Variants in ZNF789 observed in about 807,000 individuals in gnomAD.
ZNF789 encodes the protein zinc finger protein 789.
ZNF789 carries 11 observed loss-of-function variants against 15.6 expected under a neutral mutation model. That is an observed-to-expected ratio of 0.70 (90% CI 0.44 to 1.16). The LOEUF is 1.16. Ranked by LOEUF, ZNF789 falls within the 50% of genes most tolerant of loss-of-function variation. The pLI, the probability that ZNF789 is intolerant of heterozygous loss-of-function variation, is 0.00. For missense variants in ZNF789, 461 were observed against 512.6 expected (o/e 0.90, Z 0.97); for synonymous variants, 159 against 176.0 (o/e 0.90, Z 0.76).
At chr7:99,483,785 G>C (rs1799769255) in intron 3 of ZNF789, 1 of 780,960 alleles carries the variant, frequency 1.3e-6, no homozygotes, top group East Asian at 2.4e-5. Flanking sequence ...GAACGTCTCT[G>C]GCACATTCAT....
chr7:99,476,788 G>C (rs1196920898), intron 2 of ZNF789, among the ~76,000 whole-genome samples: 1 of 152,194 alleles, frequency 6.6e-6, no homozygotes, highest in East Asian at 1.9e-4. Flanking sequence ...TTAAGTTGTT[G>C]CTCTTATTAC....
chr7:99,476,589 G>A, intron 2 of ZNF789, 109 bp downstream of exon 2: 1 of 1,353,264 alleles, frequency 7.4e-7, no homozygotes, highest in Non-Finnish European at 1.0e-6. Flanking sequence ...TTCTTAGACA[G>A]TGCAATGTAG....
In ZNF789 at chr7:99,479,715, C is replaced by T; in HGVS notation, c.79C>T (p.His27Tyr). The change falls in exon 3 of 5, where the codon CAC becomes TAC. Residue 27 changes from histidine (H) to tyrosine (Y), a missense_variant. Physicochemically the swap from His to Tyr is moderately conservative, Grantham distance 83 (BLOSUM62 2). Transcript: ENST00000331410. ...GTACTTCACCAGAGAGGAGTGGGGCCACCTCAACTGGGGTCAGAAGGACCT... is the reference window on the plus strand; with the variant it reads ...GTACTTCACCAGAGAGGAGTGGGGCTACCTCAACTGGGGTCAGAAGGACCT... The part of the protein sequence containing the change: ...AMYFTREEWG[H>Y]LNWGQKDLYR... The T allele has an allele frequency of 6.2e-7, 1 of 1,613,804 alleles. No homozygotes were observed. The highest frequency in any genetic ancestry group is 8.5e-7 in the Non-Finnish European group (1 of 1,179,878).
At chr7:99,479,449 GATTA>G (rs1799502756) in intron 2 of ZNF789, 2 of 438,952 alleles carry the variant, frequency 4.6e-6, no homozygotes, top group Non-Finnish European at 7.8e-6. Context: ...GCCCTTTAGA[GATTA>G]ATTGTGTCGA....
chr7:99,482,353 G>A (rs1799685130), intron 3 of ZNF789: 4 of 693,050 alleles, frequency 5.8e-6, no homozygotes, highest in African/African-American at 1.8e-5. Context: ...GTTTTTCCCT[G>A]GGGAAGGCTG....
chr7:99,477,104 G>A (rs1160912185), intron 2 of ZNF789, among the ~76,000 whole-genome samples: 2 of 151,022 alleles, frequency 1.3e-5, no homozygotes, highest in East Asian at 3.9e-4. Context: ...GTGTAGTGGC[G>A]CGATCTCAGC....
At chr7:99,473,249 A>G (rs1040796405) in intron 1 of ZNF789, among the ~76,000 whole-genome samples, 193 bp downstream of exon 1, 2 of 152,134 alleles carry the variant, frequency 1.3e-5, no homozygotes, top group South Asian at 4.1e-4. Context: ...GAATGAATGG[A>G]TGGTGAACGC....
chr7:99,486,283 C>A (rs1418205105), intron 4 of ZNF789, among the ~76,000 whole-genome samples, 193 bp from the exon 5 acceptor site: 1 of 152,182 alleles, frequency 6.6e-6, no homozygotes, highest in East Asian at 1.9e-4. Context: ...CCACTGCACT[C>A]TAGCCTGGGC....
chr7:99,479,601 T>TA, intron 2 of ZNF789, 60 bp from the exon 3 acceptor site: 1 of 1,528,026 alleles, frequency 6.5e-7, no homozygotes, highest in Non-Finnish European at 8.8e-7. Context: ...AGCTGTGGAA[T>TA]AATCATTGAG....
At chr7:99,478,582 C>T (rs1799455008) in intron 2 of ZNF789, 3 of 368,858 alleles carry the variant, frequency 8.1e-6, no homozygotes, top group African/African-American at 6.3e-5. Flanking sequence ...CATGCAGTGT[C>T]TTGTGAGAGC....
chr7:99,485,889 A>G (rs1799913173), intron 4 of ZNF789, among the ~76,000 whole-genome samples: 1 of 152,180 alleles, frequency 6.6e-6, no homozygotes, highest in African/African-American at 2.4e-5. Flanking sequence ...CTGAGTACCT[A>G]GAGTAAGTTG....
intron 4 of ZNF789, among the ~76,000 whole-genome samples, chr7:99,484,494 C>G (rs1184907233): frequency 6.6e-6 from 1 of 152,178 alleles, no homozygotes; most frequent in East Asian, 1.9e-4. Flanking sequence ...GTGGCGTGTG[C>G]CTGTAATCCC....
chr7:99,473,602 T>C (rs1799140295), intron 1 of ZNF789, among the ~76,000 whole-genome samples: 2 of 152,132 alleles, frequency 1.3e-5, no homozygotes, highest in Admixed American at 6.5e-5. Flanking sequence ...GCGCACACTT[T>C]TCAGGGAAAT....
intron 2 of ZNF789, chr7:99,478,325 G>T: frequency 7.8e-7 from 1 of 1,289,714 alleles, no homozygotes; most frequent in Middle Eastern, 2.2e-4. Flanking sequence ...TGGCAGCGCA[G>T]CTCTGGTAAA....
Position 99,487,306 on chromosome 7 carries a change from G to A in ZNF789, c.1096G>A (p.Glu366Lys). The change falls in exon 5 of 5, where the codon GAG becomes AAG. Residue 366 changes from glutamate (E) to lysine (K), a missense_variant. Glu to Lys is a moderately conservative substitution (Grantham distance 56). Transcript: ENST00000331410. ...TCAGCATCAAAGAATCCATACAAAG[G>A]AGGAATTCTTTCAATGTGGAGAATG... ...LIQHQRIHTK[E>K]EFFQCGECGK... 6.2e-7 allele frequency: 1 copy of A among 1,614,228 alleles called. No individual in the cohort carries two copies. The highest frequency in any genetic ancestry group is 8.5e-7 in the Non-Finnish European group (1 of 1,180,034).
intron 2 of ZNF789, among the ~76,000 whole-genome samples, chr7:99,477,576 C>T (rs1191227252): frequency 6.6e-6 from 1 of 151,540 alleles, no homozygotes; most frequent in East Asian, 2.0e-4. Context: ...TTGGCTTGAG[C>T]CATCCACCAG....
At chr7:99,482,650 T>G (rs1368325218) in intron 3 of ZNF789, among the ~76,000 whole-genome samples, 1 of 150,554 alleles carries the variant, frequency 6.6e-6, no homozygotes, top group Non-Finnish European at 1.5e-5. Context: ...AGGTCGGGAG[T>G]TCGAGACCAG....
chr7:99,480,343 A>G (rs1799555774), intron 3 of ZNF789: 1 of 152,572 alleles, frequency 6.6e-6, no homozygotes. Flanking sequence ...ACAAAACAAC[A>G]ACAAAAATAA....
intron 1 of ZNF789, 81 bp from the exon 2 acceptor site, chr7:99,476,322 G>A (rs1432694625): frequency 3.1e-5 from 28 of 911,598 alleles, no homozygotes; most frequent in South Asian, 1.4e-4. Flanking sequence ...TGTGTGCCCC[G>A]TTGGAATTCC....
Sources: gnomAD v4.1 joint callset for allele counts (sites outside exome capture counted in the v4.1 genomes callset) on GRCh38, gnomAD v4.1.1 for gene constraint, MANE v1.5 for transcripts, NCBI Gene and HGNC (gene_info 2026-07-23, HGNC 2026-07-21) for gene names.